ZNF69: variants seen among roughly 807,000 people sequenced by gnomAD.
The protein encoded by ZNF69 is ZNF3.
Under a neutral mutation model 50.9 loss-of-function variants are expected in ZNF69, and 47 were observed. The ratio of observed to expected loss-of-function variants is 0.92; its 90% CI spans 0.73 to 1.18. The LOEUF (loss-of-function observed/expected upper bound fraction) is 1.18, where lower values mean the gene tolerates loss of function less well. Ranked by LOEUF, ZNF69 falls within the 50% of genes most tolerant of loss-of-function variation. The probability of loss-of-function intolerance (pLI) is 0.00; values close to 1 mark genes in which losing one functional copy is unlikely to be tolerated. For missense variants in ZNF69, 717 were observed against 675.1 expected (o/e 1.06, Z -0.69); for synonymous variants, 216 against 223.1 (o/e 0.97, Z 0.29).
the ZNF69 span, among the ~76,000 whole-genome samples, chr19:11,976,189 A>G: frequency 1.3e-5 from 2 of 150,684 alleles, no homozygotes; most frequent in African/African-American, 4.9e-5. Context: ...GGCATTTTCA[A>G]GGATACACAG....
chr19:11,911,702 G>T (rs1972460796), intron 4 of ZNF69, among the ~76,000 whole-genome samples: 1 of 152,044 alleles, frequency 6.6e-6, no homozygotes, highest in Admixed American at 6.6e-5. Flanking sequence ...GATAGCACTG[G>T]GAGATATACC....
At chr19:11,951,192 T>C in the ZNF69 span, among the ~76,000 whole-genome samples, 22 of 150,134 alleles carry the variant, frequency 1.5e-4, 2 homozygotes, top group South Asian at 4.6e-3. Flanking sequence ...CTTTTCATGC[T>C]TATGTACTTA....
chr19:11,935,238 T>G, the ZNF69 span, among the ~76,000 whole-genome samples: 9 of 138,886 alleles, frequency 6.5e-5, no homozygotes, highest in South Asian at 7.2e-4. Context: ...ATCTTGTTTT[T>G]TTTTTTTTTT....
Position 11,904,891 on chromosome 19 carries a change from A to G in ZNF69, c.494A>G (p.Lys165Arg), listed in dbSNP as rs1015259187. Residue 165 changes from lysine (K) to arginine (R), a missense_variant, in exon 4 of 4, where the codon AAG becomes AGG. Transcript: ENST00000429654. ...CAGGAATATGGACCGAAGCCATGTA[A>G]GTGTCAACAACCTAAAAAAGCCTTC... ...EYQEYGPKPCKCQQPKKAFRY... is the reference protein window; with the variant it reads ...EYQEYGPKPCRCQQPKKAFRY... The G allele has an allele frequency of 1.7e-5, 27 of 1,614,096 alleles. No individual in the cohort carries two copies. Among genetic ancestry groups the G allele is most frequent in the Middle Eastern group, 1.6e-4 (1 of 6,084 alleles).
At chr19:11,966,645 A>T in the ZNF69 span, among the ~76,000 whole-genome samples, 9 of 152,230 alleles carry the variant, frequency 5.9e-5, no homozygotes, top group Non-Finnish European at 1.2e-4. Context: ...GTGTGCGGGG[A>T]TTACAGATGT....
chr19:11,947,571 T>C, the ZNF69 span: 2 of 1,613,352 alleles, frequency 1.2e-6, no homozygotes, highest in Middle Eastern at 1.7e-4. Context: ...AGAAGAAGCT[T>C]CAGGTAATTT....
At chr19:11,948,536 A>G in the ZNF69 span, 1 of 1,610,838 alleles carries the variant, frequency 6.2e-7, no homozygotes, top group East Asian at 2.2e-5. Context: ...CAACCTAAAA[A>G]TAAGAAAGCC....
chr19:11,899,596 G>A lies in ZNF69; in HGVS notation c.64-3977G>A, dbSNP rs571619899. 2.1e-3 allele frequency among the ~76,000 whole-genome samples: 321 copies of A among 152,190 alleles called. 2 individuals are homozygous for A. The highest frequency in any genetic ancestry group is 7.2e-3 in the African/African-American group (299 of 41,526). On this transcript the variant is annotated intron_variant, in intron 1 of 3. Transcript: ENST00000429654. Reference sequence around the variant, plus strand: ...AGATTGCTTAAGGCCAGAAGTTAGAGAACAGCCTGGTAGATACAGTGTGAG... The same window carrying A: ...AGATTGCTTAAGGCCAGAAGTTAGAAAACAGCCTGGTAGATACAGTGTGAG...
the ZNF69 span, among the ~76,000 whole-genome samples, chr19:11,946,321 C>T: frequency 6.6e-6 from 1 of 152,148 alleles, no homozygotes; most frequent in Admixed American, 6.5e-5. Context: ...GGCACAGGTG[C>T]TGTGGGCTCA....
At chr19:11,966,171 G>A in the ZNF69 span, among the ~76,000 whole-genome samples, 1 of 152,182 alleles carries the variant, frequency 6.6e-6, no homozygotes, top group South Asian at 2.1e-4. Flanking sequence ...CTTGCCACAA[G>A]GAGTCTGTTT....
chr19:11,924,454 A>G, the ZNF69 span, among the ~76,000 whole-genome samples: 1 of 151,734 alleles, frequency 6.6e-6, no homozygotes, highest in Non-Finnish European at 1.5e-5. Context: ...AAAAAAAGAA[A>G]GAAAGAAAAG....
At chr19:11,960,916 T>C in the ZNF69 span, among the ~76,000 whole-genome samples, 1 of 152,208 alleles carries the variant, frequency 6.6e-6, no homozygotes, top group South Asian at 2.1e-4. Context: ...CTGATTACAT[T>C]GTCTCCAAAG....
the ZNF69 span, chr19:11,948,260 T>C: frequency 6.2e-7 from 1 of 1,607,910 alleles, no homozygotes; most frequent in Non-Finnish European, 8.5e-7. Context: ...CATGATGTGT[T>C]TCTCATGTTT....
At chr19:11,976,323 T>C in the ZNF69 span, among the ~76,000 whole-genome samples, 27,589 of 151,476 alleles carry the variant, frequency 0.18, 5,455 homozygotes, top group African/African-American at 0.5. Context: ...CCTTTTCTCC[T>C]TAGATTCAGT....
chr19:11,979,711 C>T, the ZNF69 span: 69 of 1,556,868 alleles, frequency 4.4e-5, no homozygotes, highest in East Asian at 7.2e-5. Flanking sequence ...AGAAGCCCTA[C>T]GAGTGTAAGC....
chr19:11,970,853 C>T, the ZNF69 span, among the ~76,000 whole-genome samples: 24 of 152,122 alleles, frequency 1.6e-4, no homozygotes, highest in Non-Finnish European at 7.4e-5. Context: ...ATCGCTTGAA[C>T]CTGGGAGGTG....
In ZNF69 at chr19:11,901,275, G is replaced by A. The variant is rs568835441; in HGVS notation, c.64-2298G>A. ...TCTTCTCTTTTATATTTAATTTATTGAGCATTTTTAATCATCAGGAGATAT... is the reference window on the plus strand; with the variant it reads ...TCTTCTCTTTTATATTTAATTTATTAAGCATTTTTAATCATCAGGAGATAT... On this transcript the variant is annotated intron_variant, in intron 1 of 3. Coordinates refer to ENST00000429654, the MANE Select transcript of ZNF69 (RefSeq NM_001364730.1). Among the ~76,000 whole-genome samples the A allele has an allele frequency of 1.1e-4, 16 of 152,174 alleles. No individual in the cohort carries two copies. The East Asian group carries it at 2.7e-3, about 26-fold the overall frequency.
At chr19:11,932,848 A>G in the ZNF69 span, among the ~76,000 whole-genome samples, 2 of 147,922 alleles carry the variant, frequency 1.4e-5, no homozygotes, top group South Asian at 4.2e-4. Flanking sequence ...CGTGTTAGCC[A>G]GGATGGTCTC....
chr19:11,913,679 A>T (rs1216713942), exon 5 of ZNF69: 1 of 256,204 alleles, frequency 3.9e-6, no homozygotes, highest in Non-Finnish European at 7.3e-6. Context: ...ATGAGCCATC[A>T]TGCCCAGCCG....
Sources: allele counts gnomAD v4.1 joint callset (sites outside exome capture counted in the v4.1 genomes callset), GRCh38; gene constraint gnomAD v4.1.1; transcripts MANE v1.5; gene names NCBI Gene and HGNC (gene_info 2026-07-23, HGNC 2026-07-21).